ATG2B: variants seen among roughly 807,000 people sequenced by gnomAD.
The protein encoded by ATG2B is autophagy-related protein 2 homolog B.
ATG2B carries 121 observed loss-of-function variants against 241.3 expected under a neutral mutation model. That is an observed-to-expected ratio of 0.50 (90% CI 0.43 to 0.58). ATG2B has a LOEUF of 0.58. Ranked by LOEUF, ATG2B falls within the 20% of genes least tolerant of loss-of-function variation. The probability of loss-of-function intolerance (pLI) is 0.00; values close to 1 mark genes in which losing one functional copy is unlikely to be tolerated. For missense variants in ATG2B, 2,306 were observed against 2,491.6 expected (o/e 0.93, Z 1.59); for synonymous variants, 858 against 876.6 (o/e 0.98, Z 0.37).
intron 26 of ATG2B, 73 bp downstream of exon 26, chr14:96,312,016 A>T: frequency 8.8e-7 from 1 of 1,136,954 alleles, no homozygotes; most frequent in Non-Finnish European, 1.3e-6. Context: ...TCCCAGAGTT[A>T]AAATGCTTTA....
At chr14:96,301,714 G>T (rs72704876) in intron 34 of ATG2B, among the ~76,000 whole-genome samples, 1,545 of 152,294 alleles carry the variant, frequency 0.01, 9 homozygotes, top group East Asian at 0.022. Context: ...CTCTGAAAAT[G>T]TATGCATATC....
chr14:96,328,930 G>A (rs1255227413), intron 12 of ATG2B, among the ~76,000 whole-genome samples, 164 bp from the exon 13 acceptor site: 1 of 152,148 alleles, frequency 6.6e-6, no homozygotes, highest in African/African-American at 2.4e-5. Context: ...GTTAACTCAT[G>A]TGATATCTCA....
chr14:96,339,971 A>G (rs1317607290), intron 6 of ATG2B, among the ~76,000 whole-genome samples: 1 of 150,958 alleles, frequency 6.6e-6, no homozygotes, highest in Non-Finnish European at 1.5e-5. Context: ...TACCCACAAG[A>G]AAGGAAAGCA....
At chr14:96,341,999 G>C (rs904022831) in intron 5 of ATG2B, among the ~76,000 whole-genome samples, 2 of 152,080 alleles carry the variant, frequency 1.3e-5, no homozygotes, top group Non-Finnish European at 2.9e-5. Context: ...AAGAAAATCT[G>C]ATTTGTAAAA....
chr14:96,305,846 T>A (rs760030066), intron 30 of ATG2B, 31 bp from the exon 31 acceptor site: 16 of 1,549,320 alleles, frequency 1.0e-5, no homozygotes, highest in Non-Finnish European at 1.4e-5. Context: ...ACACATACTC[T>A]CTTTTCTAAT....
chr14:96,309,064 A>T (rs1252629968), intron 29 of ATG2B, among the ~76,000 whole-genome samples: 5 of 152,194 alleles, frequency 3.3e-5, no homozygotes, highest in Non-Finnish European at 2.9e-5. Flanking sequence ...CACTTTTAAA[A>T]AGCCAAGCCA....
chr14:96,361,267 G>A (rs937458185), intron 1 of ATG2B, among the ~76,000 whole-genome samples: 1 of 152,130 alleles, frequency 6.6e-6, no homozygotes, highest in African/African-American at 2.4e-5. Context: ...AAAGTGCCTA[G>A]TACAATGCCT....
intron 32 of ATG2B, 142 bp from the exon 33 acceptor site, chr14:96,303,397 A>C (rs1886849647): frequency 1.7e-6 from 1 of 578,106 alleles, no homozygotes; most frequent in Admixed American, 4.1e-5. Context: ...AAAAAACTCA[A>C]CAACATGACA....
intron 26 of ATG2B, 143 bp downstream of exon 26, chr14:96,311,946 T>C (rs1358250628): frequency 7.4e-6 from 5 of 676,002 alleles, no homozygotes; most frequent in East Asian, 2.7e-5. Flanking sequence ...GATCACTATA[T>C]ACTTAAAGAC....
At chr14:96,336,344 TC>T (rs1309768661) in intron 6 of ATG2B, among the ~76,000 whole-genome samples, 6 of 152,172 alleles carry the variant, frequency 3.9e-5, no homozygotes, top group African/African-American at 7.2e-5. Flanking sequence ...CTTGTCTTTT[TC>T]CATTTAGCAT....
At chr14:96,292,294 C>A (rs907814890) in intron 36 of ATG2B, among the ~76,000 whole-genome samples, 196 bp from the exon 37 acceptor site, 1 of 152,048 alleles carries the variant, frequency 6.6e-6, no homozygotes, top group Admixed American at 6.5e-5. Flanking sequence ...AGATGTTAAT[C>A]ATCTCATATA....
intron 34 of ATG2B, among the ~76,000 whole-genome samples, chr14:96,298,624 T>C (rs1304265012): frequency 6.6e-6 from 1 of 152,158 alleles, no homozygotes; most frequent in Non-Finnish European, 1.5e-5. Flanking sequence ...TGCTACAACA[T>C]AGATGGATCT....
Position 96,311,296 on chromosome 14 carries a change from G to A in ATG2B, c.3991-9C>T. ...TCAAAGCGGGGCTCAGTCTGGACAAGACACAGAAAAAGGGATGAAAATGTT... is the reference window on the plus strand; with the variant it reads ...TCAAAGCGGGGCTCAGTCTGGACAAAACACAGAAAAAGGGATGAAAATGTT... On this transcript the variant is annotated splice_polypyrimidine_tract_variant and intron_variant, in intron 27 of 41. Transcript: ENST00000359933. The A allele has an allele frequency of 6.3e-7, 1 of 1,594,478 alleles. No individual in the cohort carries two copies. Among genetic ancestry groups the A allele is most frequent in the Non-Finnish European group, 8.5e-7 (1 of 1,172,200 alleles).
Position 96,323,906 on chromosome 14 carries a change from CAA to C in ATG2B, c.2528_2529del (p.Phe843Ter). The C allele has an allele frequency of 1.9e-6, 3 of 1,607,010 alleles. No individual in the cohort carries two copies. The highest frequency in any genetic ancestry group is 2.5e-6 in the Non-Finnish European group (3 of 1,176,786). ...CATTTGCTTACTCACCGTGGCCAGT[CAA>C]AGTCATCTGACGATGTTGTATCTCC... ...VDGDTTSSDD[F>X]DWPRIVLKIN... On this transcript the variant is annotated frameshift_variant, in exon 16 of 42. Transcript: ENST00000359933. LOFTEE classifies it high-confidence loss of function.
At chr14:96,336,484 T>C (rs747438582) in intron 6 of ATG2B, among the ~76,000 whole-genome samples, 36 of 152,218 alleles carry the variant, frequency 2.4e-4, no homozygotes, top group Non-Finnish European at 4.4e-4. Context: ...ACGCAGTTTT[T>C]CCACATGTTC....
chr14:96,358,853 C>T (rs954963749), intron 1 of ATG2B, among the ~76,000 whole-genome samples: 1 of 152,038 alleles, frequency 6.6e-6, no homozygotes, highest in Admixed American at 6.6e-5. Context: ...AAATGCCCCA[C>T]CATAGAGTCC....
At position 96,306,534 on chromosome 14, in the gene ATG2B, T is replaced by TAGG. The variant is rs3837602; in HGVS notation, c.4506+179_4506+180insCCT. The stretch of plus-strand genomic sequence containing the variant: ...CAAATAGCATTCTTCTCTGAGTCTT[T>TAGG]AGATGTGTCACAGAAATAGTACAGT... On this transcript the variant is annotated intron_variant, in intron 30 of 41. Transcript: ENST00000359933. Among the ~76,000 whole-genome samples, 38,146 of 151,728 alleles carry TAGG rather than the reference T, an allele frequency of 0.25. 5,041 individuals are homozygous for TAGG. The highest frequency in any genetic ancestry group is 0.28 in the Non-Finnish European group (18,974 of 67,956).
chr14:96,351,206 T>C (rs1435583771), intron 1 of ATG2B, among the ~76,000 whole-genome samples: 1 of 152,242 alleles, frequency 6.6e-6, no homozygotes, highest in Non-Finnish European at 1.5e-5. Context: ...CGAGCCCTGC[T>C]GAATTCCAGC....
chr14:96,350,620 G>A (rs774024419), intron 1 of ATG2B, among the ~76,000 whole-genome samples: 7 of 152,160 alleles, frequency 4.6e-5, no homozygotes, highest in Middle Eastern at 3.4e-3. Context: ...TTTATTAAAC[G>A]CCAGCTTATA....
Sources: allele counts gnomAD v4.1 joint callset (sites outside exome capture counted in the v4.1 genomes callset), GRCh38; gene constraint gnomAD v4.1.1; transcripts MANE v1.5; gene names NCBI Gene and HGNC (gene_info 2026-07-23, HGNC 2026-07-21).